Variants in MIDEAS observed in about 807,000 individuals in gnomAD.
The protein encoded by MIDEAS is mitotic deacetylase associated SANT domain protein.
Under a neutral mutation model 102.7 loss-of-function variants are expected in MIDEAS, and 26 were observed. The observed-to-expected ratio is 0.25, with a 90% CI of 0.19 to 0.35. MIDEAS has a LOEUF of 0.35. Ranked by LOEUF, MIDEAS falls within the 10% of genes least tolerant of loss-of-function variation. The pLI is 1.00. For synonymous variants in MIDEAS, 585 were observed against 591.0 expected, an observed-to-expected ratio of 0.99 and a Z score of 0.15; for missense variants, 1,231 against 1,435.6, an observed-to-expected ratio of 0.86 and a Z score of 2.30.
chr14:73,731,075 G>A lies in MIDEAS; in HGVS notation c.1750-1090C>T, dbSNP rs980670193. On this transcript the variant is annotated intron_variant, in intron 3 of 12. Coordinates refer to ENST00000423556, the MANE Select transcript of MIDEAS (RefSeq NM_001367710.1). ...GTCTAGCCCATGCACACTGCCAAAG[G>A]TTAGCCCTCCTACTTCTCCCTGCTA... Among the ~76,000 whole-genome samples the A allele has an allele frequency of 4.6e-5, 7 of 152,200 alleles. No homozygotes were observed. The South Asian group carries it at 6.2e-4, about 13-fold the overall frequency.
intron 1 of MIDEAS, among the ~76,000 whole-genome samples, chr14:73,770,666 T>G (rs879876220): frequency 2.0e-5 from 3 of 152,224 alleles, no homozygotes; most frequent in Admixed American, 6.5e-5. Context: ...CTATGACTGC[T>G]GCATTTGGGC....
In MIDEAS at chr14:73,748,885, T is replaced by G. The variant is rs2053386690; in HGVS notation, c.-247-8630A>C. 1.3e-5 allele frequency among the ~76,000 whole-genome samples: 2 copies of G among 152,090 alleles called. 1 individual carries two copies. The highest frequency in any genetic ancestry group is 4.2e-4 in the South Asian group (2 of 4,818). On this transcript the variant is annotated intron_variant, in intron 1 of 12. Transcript: ENST00000423556. The stretch of plus-strand genomic sequence containing the variant: ...GTCCCTCAGGAGGCTATACCAGTTA[T>G]AGACATGCATGTACCTAACAACAGA...
chr14:73,779,044 G>A (rs1339273270), intron 1 of MIDEAS, among the ~76,000 whole-genome samples: 6 of 151,762 alleles, frequency 4.0e-5, no homozygotes, highest in Non-Finnish European at 8.8e-5. Context: ...GAGGAAGTTA[G>A]GGAGGTAGGA....
At chr14:73,727,425 A>G in intron 5 of MIDEAS, 33 bp downstream of exon 5, 1 of 1,612,292 alleles carries the variant, frequency 6.2e-7, no homozygotes, top group East Asian at 2.2e-5. Flanking sequence ...GTGGCCACCC[A>G]CACCCCTCGG....
intron 1 of MIDEAS, among the ~76,000 whole-genome samples, chr14:73,783,692 T>G (rs774377570): frequency 4.6e-5 from 7 of 152,186 alleles, no homozygotes; most frequent in Non-Finnish European, 7.3e-5. Context: ...GTTTGCCCTG[T>G]GTCATGCAGA....
At position 73,727,595 on chromosome 14, in the gene MIDEAS, C is replaced by T. The variant is rs1429569040; in HGVS notation, c.2096-71G>A. ...AAAGCACCCCCAATCCTAGTGGCTG[C>T]CCTGTATGTGCAAGAGTCACAGTGG... On this transcript the variant is annotated intron_variant, in intron 4 of 12. Transcript: ENST00000423556. The T allele has an allele frequency of 1.1e-5, 15 of 1,421,072 alleles. No homozygotes were observed. In the Admixed American group the frequency reaches 2.9e-4, roughly 27 times the overall value. The allele number at this position is 1,421,072 out of a possible 1,614,324, so 88.0% of individuals were successfully genotyped here. A position where few individuals can be genotyped will look rare whatever the true frequency, so the allele number is the denominator to read the frequency against.
intron 1 of MIDEAS, among the ~76,000 whole-genome samples, chr14:73,772,794 A>AGT (rs61402555): frequency 0.32 from 43,149 of 135,342 alleles, 7,062 homozygotes; most frequent in East Asian, 0.53. Flanking sequence ...TTCAAGTTCT[A>AGT]GTGTGTGTGT....
intron 1 of MIDEAS, among the ~76,000 whole-genome samples, chr14:73,774,327 T>A (rs1211650756): frequency 6.6e-6 from 1 of 151,918 alleles, no homozygotes; most frequent in East Asian, 2.0e-4. Context: ...GTCAGGAGGA[T>A]GCATTCTTCC....
chr14:73,727,406 T>A, intron 5 of MIDEAS, 52 bp downstream of exon 5: 1 of 1,593,508 alleles, frequency 6.3e-7, no homozygotes, highest in Non-Finnish European at 8.6e-7. Flanking sequence ...CTGCACACAC[T>A]GCACCAGTGT....
upstream of MIDEAS, among the ~76,000 whole-genome samples, chr14:73,761,271 G>A (rs2053552454): frequency 6.6e-6 from 1 of 152,140 alleles, no homozygotes; most frequent in African/African-American, 2.4e-5. Context: ...AGAGGAGGGA[G>A]GGGCAGCAGA....
At chr14:73,756,297 CGCGCGCGCGT>C (rs1010868529) in intron 1 of MIDEAS, among the ~76,000 whole-genome samples, 35 of 53,928 alleles carry the variant, frequency 6.5e-4, no homozygotes, top group South Asian at 3.6e-3. Flanking sequence ...TGTGTGTGTG[CGCGCGCGCGT>C]GCGCGCTGAG....
At chr14:73,782,776 A>C (rs1194003613) in intron 1 of MIDEAS, among the ~76,000 whole-genome samples, 1 of 152,200 alleles carries the variant, frequency 6.6e-6, no homozygotes, top group Non-Finnish European at 1.5e-5. Context: ...TGACTGGGAC[A>C]AAAGGAGCCA....
At position 73,739,118 on chromosome 14, in the gene MIDEAS, T is replaced by C. The variant is rs778605870; in HGVS notation, c.891A>G (p.Gly297=). Residue 297 remains glycine, a synonymous_variant, in exon 2 of 13, where the codon GGA becomes GGG. Transcript: ENST00000423556. ...TGCTGTGGTGAGCCAGGTGGGACTG[T>C]CCCAGTGGCCCAGCTGGCTGCAGGC... ...DFGLQPAGPL[G]QSHLAHHSMA... is the part of the protein sequence containing the mutation. 2.5e-6 allele frequency: 4 copies of C among 1,609,716 alleles called. No homozygotes were observed. The South Asian group carries it at 4.4e-5, about 18-fold the overall frequency.
chr14:73,741,200 C>A (rs2053277235), intron 1 of MIDEAS, among the ~76,000 whole-genome samples: 1 of 152,204 alleles, frequency 6.6e-6, no homozygotes, highest in East Asian at 1.9e-4. Flanking sequence ...GGTTTCTCCA[C>A]GATAATGTCA....
Position 73,739,678 on chromosome 14 carries a change from C to T in MIDEAS, c.331G>A (p.Gly111Arg). ...CTGTCACTGACACCCCCACCTCCTC[C>T]ACGCTCCGGGCCCCGCCCTGGAGCC... Reference protein sequence around the residue: ...VMAPGRGPERGGGGGVSDSSW... With the variant: ...VMAPGRGPERRGGGGVSDSSW... The change falls in exon 2 of 13, where the codon GGA (glycine) becomes AGA (arginine). Residue 111 changes from glycine (G) to arginine (R), a missense_variant. Gly to Arg is a moderately radical substitution (Grantham distance 125). Transcript: ENST00000423556. 1 of 1,613,860 alleles carries T rather than the reference C, an allele frequency of 6.2e-7. No homozygotes were observed. The highest frequency in any genetic ancestry group is 8.5e-7 in the Non-Finnish European group (1 of 1,179,952).
In MIDEAS at chr14:73,732,826, C is replaced by T. The variant is rs9989224; in HGVS notation, c.1750-2841G>A. On this transcript the variant is annotated intron_variant, in intron 3 of 12. Transcript: ENST00000423556. ...AAAAAAAAGGCTGGGTGCAGTGGCT[C>T]ACGCCTATAATCCCAGCACTTTGGG... Among the ~76,000 whole-genome samples the T allele has an allele frequency of 1.4e-3, 206 of 146,344 alleles. 1 individual carries two copies. The highest frequency in any genetic ancestry group is 4.8e-3 in the African/African-American group (192 of 40,174).
At chr14:73,727,361 C>T in intron 5 of MIDEAS, 97 bp downstream of exon 5, 1 of 1,279,180 alleles carries the variant, frequency 7.8e-7, no homozygotes, top group Non-Finnish European at 1.1e-6. Context: ...CCTCTGCAGG[C>T]CCCACGGAAC....
intron 1 of MIDEAS, among the ~76,000 whole-genome samples, chr14:73,772,871 G>A (rs1462410857): frequency 5.0e-5 from 7 of 140,420 alleles, no homozygotes; most frequent in Non-Finnish European, 9.2e-5. Flanking sequence ...ACAGAGTCTC[G>A]CTCTGTCGCC....
Position 73,732,672 on chromosome 14 carries a change from G to GC in MIDEAS, c.1750-2688dup, listed in dbSNP as rs150652995. Among the ~76,000 whole-genome samples, 369 of 149,430 alleles carry GC rather than the reference G, an allele frequency of 2.5e-3. 2 individuals are homozygous for GC. Among genetic ancestry groups the GC allele is most frequent in the African/African-American group, 8.0e-3 (323 of 40,592 alleles). On this transcript the variant is annotated intron_variant, in intron 3 of 12. Coordinates refer to ENST00000423556, the MANE Select transcript of MIDEAS (RefSeq NM_001367710.1). Reference sequence around the variant, plus strand: ...ATGGTGGTGGGCGCCTGTAATCCCAGCAACTCAGGAGGCTGAGGCAGAAGA... The same window carrying GC: ...ATGGTGGTGGGCGCCTGTAATCCCAGCCAACTCAGGAGGCTGAGGCAGAAGA...
Sources: gnomAD v4.1 joint callset for allele counts (sites outside exome capture counted in the v4.1 genomes callset) on GRCh38, gnomAD v4.1.1 for gene constraint, MANE v1.5 for transcripts, NCBI Gene and HGNC (gene_info 2026-07-23, HGNC 2026-07-21) for gene names.